Variants in TJP2 observed in about 807,000 individuals in gnomAD.
The protein encoded by TJP2 is tight junction protein 2.
TJP2 carries 91 observed loss-of-function variants against 133.1 expected under a neutral mutation model. The ratio of observed to expected loss-of-function variants is 0.68; its 90% CI spans 0.58 to 0.81. TJP2 has a LOEUF of 0.81. Among genes scored for constraint, TJP2 ranks in the 40% least tolerant of loss-of-function variants. The pLI is 0.00. For synonymous variants in TJP2, 592 were observed against 583.4 expected (o/e 1.01, Z -0.21); for missense variants, 1,541 against 1,565.6 (o/e 0.98, Z 0.26).
chr9:69,234,591 G>GGGGC, intron 12 of TJP2, 44 bp downstream of exon 12: 1 of 572,882 alleles, frequency 1.7e-6, no homozygotes, highest in African/African-American at 2.0e-5. Context: ...TGGGGGTGGG[G>GGGGC]AGTGGGAAGG....
At chr9:69,174,163 G>T (rs1587966839), upstream of TJP2, 41 of 1,287,312 alleles carry the variant, frequency 3.2e-5, 1 homozygote, top group East Asian at 1.3e-3. Context: ...CGGGCGGCCA[G>T]CGCGGAGGCG....
chr9:69,198,141 C>CT lies in TJP2; in HGVS notation c.61-14389dup, dbSNP rs5898062. Among the ~76,000 whole-genome samples the CT allele has an allele frequency of 4.8e-3, 464 of 96,344 alleles. 26 individuals are homozygous for CT. The highest frequency in any genetic ancestry group is 0.012 in the African/African-American group (331 of 26,890). 63.2% of individuals were successfully genotyped at this position (96,344 alleles called of 152,430 possible). ...GGCACCCTGTCATCCTTTCCCAATT[C>CT]TTTTTTTTTTTTTTTTTTGAGACTG... On this transcript the variant is annotated intron_variant, in intron 1 of 22. Transcript: ENST00000377245.
At chr9:69,145,193 A>G (rs189889317) in intron 1 of TJP2, among the ~76,000 whole-genome samples, 209 of 152,332 alleles carry the variant, frequency 1.4e-3, no homozygotes, top group African/African-American at 4.6e-3. Flanking sequence ...ATGCATTGCT[A>G]TAAAATGACA....
intron 1 of TJP2, among the ~76,000 whole-genome samples, chr9:69,149,049 A>G (rs755584526): frequency 2.6e-4 from 39 of 152,332 alleles, no homozygotes; most frequent in Non-Finnish European, 4.6e-4. Flanking sequence ...ATCTCTCAAT[A>G]CTATTGAAAT....
chr9:69,239,885 G>A, intron 16 of TJP2, 52 bp from the exon 17 acceptor site: 1 of 1,357,622 alleles, frequency 7.4e-7, no homozygotes. Flanking sequence ...AGTATTTGAT[G>A]CTATATTACT....
At chr9:69,169,370 G>GT (rs1554773227), upstream of TJP2, among the ~76,000 whole-genome samples, 2 of 53,210 alleles carry the variant, frequency 3.8e-5, no homozygotes, top group Non-Finnish European at 4.0e-5. Context: ...TTTTTTTTTT[G>GT]GGGGGGGGAT....
intron 1 of TJP2, among the ~76,000 whole-genome samples, chr9:69,150,081 C>T (rs1387010565): frequency 2.0e-5 from 3 of 151,892 alleles, no homozygotes; most frequent in Admixed American, 1.3e-4. Context: ...ACCCAGGAGG[C>T]GGTGGTTGCA....
intron 17 of TJP2, among the ~76,000 whole-genome samples, chr9:69,243,878 C>T (rs568061509): frequency 2.2e-4 from 33 of 152,106 alleles, no homozygotes; most frequent in African/African-American, 7.0e-4. Context: ...CCATATAATC[C>T]ACCCATTGAA....
chr9:69,185,269 C>T (rs1227850940), intron 1 of TJP2, among the ~76,000 whole-genome samples: 1 of 152,116 alleles, frequency 6.6e-6, no homozygotes, highest in African/African-American at 2.4e-5. Context: ...ACCATGTTGG[C>T]CAGGCTGGTC....
At chr9:69,184,891 G>A (rs548366644) in intron 1 of TJP2, among the ~76,000 whole-genome samples, 1 of 149,288 alleles carries the variant, frequency 6.7e-6, no homozygotes, top group Non-Finnish European at 1.5e-5. Context: ...CTGTAACCAC[G>A]GGCATGCGCC....
intron 18 of TJP2, 143 bp from the exon 19 acceptor site, chr9:69,247,869 T>C: frequency 1.2e-6 from 1 of 806,084 alleles, no homozygotes; most frequent in Non-Finnish European, 1.9e-6. Context: ...CCAAGTGATC[T>C]CAGGGAGAAA....
intron 7 of TJP2, among the ~76,000 whole-genome samples, chr9:69,226,744 G>C (rs898929252): frequency 3.2e-4 from 48 of 152,282 alleles, no homozygotes; most frequent in African/African-American, 1.1e-3. Context: ...TGATCTGCCC[G>C]TCTTGTCCTC....
At chr9:69,184,916 A>T (rs1825752093) in intron 1 of TJP2, among the ~76,000 whole-genome samples, 1 of 151,920 alleles carries the variant, frequency 6.6e-6, no homozygotes, top group South Asian at 2.1e-4. Flanking sequence ...TACCTGGCTA[A>T]TTTTTAAATA....
intron 1 of TJP2, among the ~76,000 whole-genome samples, chr9:69,187,017 C>T (rs1238937192): frequency 2.0e-5 from 3 of 152,152 alleles, no homozygotes; most frequent in Admixed American, 6.5e-5. Flanking sequence ...AAAATTAGTT[C>T]AGGCATTGCT....
In TJP2 at chr9:69,239,630, G is replaced by A. The variant is rs192524300; in HGVS notation, c.2356-307G>A. 3.0e-3 allele frequency among the ~76,000 whole-genome samples: 456 copies of A among 152,260 alleles called. 3 individuals are homozygous for A. In the Middle Eastern group the frequency reaches 0.034, roughly 11 times the overall value. On this transcript the variant is annotated intron_variant, in intron 16 of 22. Coordinates refer to ENST00000377245, the MANE Select transcript of TJP2 (RefSeq NM_004817.4). ...GTTTGGGACCAGCCTGGCCAACATG[G>A]TGAAACCCTGTCTCTACTAAAAATA...
At chr9:69,203,904 C>T (rs1827196470) in intron 1 of TJP2, among the ~76,000 whole-genome samples, 2 of 152,120 alleles carry the variant, frequency 1.3e-5, no homozygotes, top group Non-Finnish European at 2.9e-5. Context: ...TGAGTGACTG[C>T]GCCTGGCAAA....
At chr9:69,206,563 T>A (rs925378882) in intron 1 of TJP2, among the ~76,000 whole-genome samples, 2 of 151,496 alleles carry the variant, frequency 1.3e-5, no homozygotes, top group African/African-American at 4.8e-5. Context: ...TTTTATTTAT[T>A]TATTTATTTA....
intron 19 of TJP2, chr9:69,248,943 AT>A (rs1295081342): frequency 4.1e-6 from 4 of 977,288 alleles, no homozygotes; most frequent in African/African-American, 3.7e-5. Flanking sequence ...CCAGTAAATG[AT>A]TTTTTTCTTT....
chr9:69,240,601 G>A (rs1240474551), intron 17 of TJP2, among the ~76,000 whole-genome samples: 1 of 152,196 alleles, frequency 6.6e-6, no homozygotes. Flanking sequence ...GGAGGCCAAG[G>A]CAGGAGGATC....
Sources: gnomAD v4.1 joint callset for allele counts (sites outside exome capture counted in the v4.1 genomes callset) on GRCh38, gnomAD v4.1.1 for gene constraint, MANE v1.5 for transcripts, NCBI Gene and HGNC (gene_info 2026-07-23, HGNC 2026-07-21) for gene names.